Variants in CDH1 observed in about 807,000 individuals in gnomAD.
CDH1 encodes cadherin-1.
CDH1 carries 35 observed loss-of-function variants against 84.5 expected under a neutral mutation model. The ratio of observed to expected loss-of-function variants is 0.41; its 90% CI spans 0.32 to 0.55. The LOEUF is 0.55. Ranked by LOEUF, CDH1 falls within the 20% of genes least tolerant of loss-of-function variation. CDH1 has a pLI of 0.19. For missense variants in CDH1, 994 were observed against 1,126.6 expected, an observed-to-expected ratio of 0.88 and a Z score of 1.68; for synonymous variants, 417 against 439.0, an observed-to-expected ratio of 0.95 and a Z score of 0.63.
rs902763125 is a variant in CDH1 at position 68,812,344 on chromosome 16, C to T, written c.1137+81C>T. The stretch of plus-strand genomic sequence containing the variant: ...ACTAAGTGTCACCACTGCTCATGGG[C>T]GAAGTCTTTGAAAACTCTCTCCAGA... On this transcript the variant is annotated intron_variant, in intron 8 of 15. Coordinates refer to ENST00000261769, the MANE Select transcript of CDH1 (RefSeq NM_004360.5). The T allele has an allele frequency of 3.9e-5, 58 of 1,471,362 alleles. No homozygotes were observed. Among genetic ancestry groups the T allele is most frequent in the Admixed American group, 3.0e-4 (18 of 59,572 alleles). The allele number at this position is 1,471,362 out of a possible 1,614,324, so 91.1% of individuals were successfully genotyped here. A position where few individuals can be genotyped will look rare whatever the true frequency, so the allele number is the denominator to read the frequency against.
intron 2 of CDH1, among the ~76,000 whole-genome samples, chr16:68,797,904 C>G (rs1304875232): frequency 3.3e-5 from 5 of 151,918 alleles, no homozygotes. Context: ...CATGGTGAAA[C>G]CTTGTCTCTA....
chr16:68,807,971 C>G (rs1177138566), intron 3 of CDH1, among the ~76,000 whole-genome samples: 1 of 152,094 alleles, frequency 6.6e-6, no homozygotes, highest in Non-Finnish European at 1.5e-5. Context: ...ACTCAGGAGG[C>G]TGAGATGGGA....
chr16:68,745,385 T>C (rs1962694397), intron 2 of CDH1, among the ~76,000 whole-genome samples: 1 of 150,226 alleles, frequency 6.7e-6, no homozygotes, highest in Non-Finnish European at 1.5e-5. Context: ...ATCAAAAAAA[T>C]GCAAAAATTT....
intron 2 of CDH1, among the ~76,000 whole-genome samples, chr16:68,754,449 T>A (rs951502589): frequency 6.6e-6 from 1 of 152,184 alleles, no homozygotes; most frequent in Non-Finnish European, 1.5e-5. Flanking sequence ...TACTCTGTAT[T>A]GTGATCATAA....
At chr16:68,784,663 C>T (rs1016668399) in intron 2 of CDH1, among the ~76,000 whole-genome samples, 5 of 151,972 alleles carry the variant, frequency 3.3e-5, no homozygotes, top group Non-Finnish European at 7.4e-5. Flanking sequence ...CCCACCCTTT[C>T]CCCCAAAGTC....
At chr16:68,767,450 A>G (rs1467826322) in intron 2 of CDH1, among the ~76,000 whole-genome samples, 2 of 152,078 alleles carry the variant, frequency 1.3e-5, no homozygotes, top group East Asian at 1.9e-4. Context: ...CACCCACCTC[A>G]GCCTCCCAAA....
At chr16:68,776,462 G>A (rs952597951) in intron 2 of CDH1, among the ~76,000 whole-genome samples, 2 of 152,068 alleles carry the variant, frequency 1.3e-5, no homozygotes, top group African/African-American at 2.4e-5. Context: ...GACATTCAGC[G>A]GATTTGAATC....
chr16:68,744,407 T>A (rs1962669568), intron 2 of CDH1, among the ~76,000 whole-genome samples: 1 of 152,208 alleles, frequency 6.6e-6, no homozygotes, highest in Admixed American at 6.5e-5. Flanking sequence ...GCATGCTCAC[T>A]CTTTCTCTCT....
At chr16:68,804,790 T>A (rs1259452167) in intron 3 of CDH1, among the ~76,000 whole-genome samples, 1 of 150,362 alleles carries the variant, frequency 6.7e-6, no homozygotes, top group Non-Finnish European at 1.5e-5. Context: ...AATTTTTAAC[T>A]TTTTTAAAAA....
chr16:68,819,227 C>T (rs1391709504), intron 10 of CDH1, 53 bp from the exon 11 acceptor site: 1 of 1,605,956 alleles, frequency 6.2e-7, no homozygotes, highest in South Asian at 1.1e-5. Flanking sequence ...CCGTTTTCAG[C>T]TACATGTTGT....
In CDH1 at chr16:68,739,982, A is replaced by C. The variant is rs1249728988; in HGVS notation, c.163+1571A>C. Among the ~76,000 whole-genome samples the C allele has an allele frequency of 4.6e-5, 7 of 152,200 alleles. No individual in the cohort carries two copies. The East Asian group carries it at 1.4e-3, about 29-fold the overall frequency. On this transcript the variant is annotated intron_variant, in intron 2 of 15. Transcript: ENST00000261769. Reference sequence around the variant, plus strand: ...CTCAGGATGAAAATGCATACACCCAATGTACTTCTAGGCCTTATCGTTGTG... The same window carrying C: ...CTCAGGATGAAAATGCATACACCCACTGTACTTCTAGGCCTTATCGTTGTG...
intron 7 of CDH1, 114 bp from the exon 8 acceptor site, chr16:68,812,021 G>T: frequency 1.3e-6 from 2 of 1,542,428 alleles, no homozygotes; most frequent in Non-Finnish European, 8.9e-7. Flanking sequence ...TAGAAGACAG[G>T]CAGGCTGGCA....
At chr16:68,744,565 A>G (rs539653087) in intron 2 of CDH1, among the ~76,000 whole-genome samples, 2 of 151,804 alleles carry the variant, frequency 1.3e-5, no homozygotes, top group Admixed American at 6.6e-5. Flanking sequence ...TGCACTTTTC[A>G]TCTTCCTCCT....
intron 2 of CDH1, among the ~76,000 whole-genome samples, chr16:68,747,498 T>A (rs767176227): frequency 1.3e-5 from 2 of 152,208 alleles, no homozygotes; most frequent in Admixed American, 1.3e-4. Context: ...CTTGTATATA[T>A]GTCTGTATGG....
chr16:68,767,910 CAT>C (rs1959435613), intron 2 of CDH1, among the ~76,000 whole-genome samples: 1 of 151,928 alleles, frequency 6.6e-6, no homozygotes, highest in Non-Finnish European at 1.5e-5. Context: ...GCTGGGGCAA[CAT>C]AGAGAGACCC....
intron 2 of CDH1, among the ~76,000 whole-genome samples, chr16:68,783,873 C>T (rs554128164): frequency 2.6e-5 from 4 of 152,116 alleles, no homozygotes; most frequent in South Asian, 4.1e-4. Context: ...GATGGAGTTT[C>T]ACCATGTTGG....
intron 12 of CDH1, chr16:68,823,111 C>A: frequency 4.9e-6 from 2 of 406,058 alleles, no homozygotes; most frequent in Non-Finnish European, 9.0e-6. Context: ...GCCTACCGAA[C>A]CCAGCGACAT....
intron 2 of CDH1, among the ~76,000 whole-genome samples, chr16:68,792,934 C>T (rs1346111455): frequency 6.6e-6 from 1 of 152,190 alleles, no homozygotes; most frequent in East Asian, 1.9e-4. Context: ...GGGTGTAGCT[C>T]AGTGAAGACA....
At chr16:68,781,860 A>C (rs1959889400) in intron 2 of CDH1, among the ~76,000 whole-genome samples, 1 of 151,926 alleles carries the variant, frequency 6.6e-6, no homozygotes, top group Non-Finnish European at 1.5e-5. Context: ...CCATATCTTA[A>C]CCCACAGTTC....
Sources: gnomAD v4.1 joint callset for allele counts (sites outside exome capture counted in the v4.1 genomes callset) on GRCh38, gnomAD v4.1.1 for gene constraint, MANE v1.5 for transcripts, NCBI Gene and HGNC (gene_info 2026-07-23, HGNC 2026-07-21) for gene names.